Variants in XKR9 observed in about 807,000 individuals in gnomAD.
XKR9 encodes the protein XK-related protein 9.
Under a neutral mutation model 32.0 loss-of-function variants are expected in XKR9, and 32 were observed. That is an observed-to-expected ratio of 1.00 (90% CI 0.76 to 1.34). XKR9 has a LOEUF of 1.34. Ranked by LOEUF, XKR9 falls within the 40% of genes most tolerant of loss-of-function variation. XKR9 has a pLI of 0.00. For synonymous variants in XKR9, 168 were observed against 143.4 expected (o/e 1.17, Z -1.22); for missense variants, 546 against 429.7 (o/e 1.27, Z -2.39).
chr8:70,740,709 GTT>G, downstream of XKR9, among the ~76,000 whole-genome samples: 1 of 152,228 alleles, frequency 6.6e-6, no homozygotes, highest in Admixed American at 6.5e-5. Context: ...CTGCAGGTCT[GTT>G]GGAGTTTGCT....
intron 3 of XKR9, among the ~76,000 whole-genome samples, chr8:70,686,309 A>G (rs1041549031): frequency 6.8e-6 from 1 of 146,478 alleles, no homozygotes; most frequent in Non-Finnish European, 1.5e-5. Context: ...TGGTGCGGTC[A>G]CAGGTAACTG....
At chr8:70,959,753 C>G in the XKR9 span, among the ~76,000 whole-genome samples, 2 of 152,174 alleles carry the variant, frequency 1.3e-5, no homozygotes, top group African/African-American at 4.8e-5. Flanking sequence ...ATGAGTGAGG[C>G]TGAACATCGT....
intron 3 of XKR9, among the ~76,000 whole-genome samples, chr8:70,692,772 G>A (rs1254082204): frequency 6.6e-6 from 1 of 152,102 alleles, no homozygotes; most frequent in African/African-American, 2.4e-5. Context: ...TAGAGACGGG[G>A]TTTCACCATG....
chr8:71,004,887 A>C, the XKR9 span, among the ~76,000 whole-genome samples: 1 of 151,742 alleles, frequency 6.6e-6, no homozygotes, highest in African/African-American at 2.4e-5. Flanking sequence ...GCTGGACTGC[A>C]GTGGTGATGT....
the XKR9 span, among the ~76,000 whole-genome samples, chr8:70,795,874 G>A: frequency 6.6e-6 from 1 of 151,620 alleles, no homozygotes; most frequent in African/African-American, 2.4e-5. Context: ...CCTTATAGAT[G>A]CTGGATGCAT....
the XKR9 span, among the ~76,000 whole-genome samples, chr8:70,850,381 G>A: frequency 1.9e-3 from 288 of 149,290 alleles, no homozygotes; most frequent in Middle Eastern, 0.01. Context: ...GGAGAATGGC[G>A]TGAACCCAGG....
intron 2 of XKR9, among the ~76,000 whole-genome samples, chr8:70,768,711 G>T (rs192973450): frequency 2.0e-5 from 3 of 148,316 alleles, no homozygotes; most frequent in Admixed American, 2.0e-4. Flanking sequence ...ATCTTTGTTG[G>T]TTTAAAGTCT....
chr8:71,032,119 T>A, the XKR9 span, among the ~76,000 whole-genome samples: 1 of 151,646 alleles, frequency 6.6e-6, no homozygotes, highest in Admixed American at 6.6e-5. Flanking sequence ...TGTGGTGAAA[T>A]CCTATCTCTA....
the XKR9 span, among the ~76,000 whole-genome samples, chr8:70,829,739 C>T: frequency 8.5e-5 from 13 of 152,256 alleles, no homozygotes; most frequent in African/African-American, 2.2e-4. Context: ...TGAGCCACGG[C>T]GCCCAGCCTG....
chr8:71,061,004 A>C, the XKR9 span, among the ~76,000 whole-genome samples: 1 of 152,226 alleles, frequency 6.6e-6, no homozygotes, highest in African/African-American at 2.4e-5. Flanking sequence ...CACTGTAATA[A>C]GCCTTTCATA....
chr8:70,811,086 C>G, the XKR9 span, among the ~76,000 whole-genome samples: 1 of 152,222 alleles, frequency 6.6e-6, no homozygotes, highest in South Asian at 2.1e-4. Flanking sequence ...TTATAACAAA[C>G]TGTCTCACAG....
chr8:70,826,453 G>T, the XKR9 span, among the ~76,000 whole-genome samples: 1 of 108,814 alleles, frequency 9.2e-6, no homozygotes, highest in Non-Finnish European at 2.2e-5. Context: ...TTTGATGGAA[G>T]ACATCAGTTT....
chr8:70,703,011 T>C (rs1307921266), intron 3 of XKR9, among the ~76,000 whole-genome samples: 1 of 152,186 alleles, frequency 6.6e-6, no homozygotes, highest in African/African-American at 2.4e-5. Flanking sequence ...TTTTCAGGCT[T>C]TCTTTTTACA....
chr8:70,896,986 ATTT>A, the XKR9 span, among the ~76,000 whole-genome samples: 3 of 151,994 alleles, frequency 2.0e-5, no homozygotes, highest in Admixed American at 2.0e-4. Context: ...ATTCTAACCA[ATTT>A]TTTGTACCAA....
intron 2 of XKR9, among the ~76,000 whole-genome samples, chr8:70,746,314 C>G (rs984020306): frequency 6.8e-6 from 1 of 147,360 alleles, no homozygotes; most frequent in African/African-American, 2.5e-5. Context: ...TCAGAATCAC[C>G]TGAAGTGCTT....
the XKR9 span, among the ~76,000 whole-genome samples, chr8:71,030,408 A>C: frequency 6.6e-6 from 1 of 152,202 alleles, no homozygotes; most frequent in African/African-American, 2.4e-5. Flanking sequence ...TTATAGATGA[A>C]ACAAGCATTC....
chr8:70,953,261 A>G, the XKR9 span, among the ~76,000 whole-genome samples: 47 of 152,318 alleles, frequency 3.1e-4, no homozygotes, highest in African/African-American at 1.1e-3. Flanking sequence ...TACTTTATTC[A>G]TATCAACTAA....
the XKR9 span, among the ~76,000 whole-genome samples, chr8:71,011,375 G>A: frequency 6.6e-6 from 1 of 151,906 alleles, no homozygotes; most frequent in Non-Finnish European, 1.5e-5. Context: ...ATTCCCATAG[G>A]TCCAAATACT....
intron 2 of XKR9, among the ~76,000 whole-genome samples, chr8:70,748,497 C>T (rs1807089561): frequency 1.3e-5 from 2 of 152,232 alleles, no homozygotes; most frequent in Non-Finnish European, 2.9e-5. Flanking sequence ...AACATGCCAG[C>T]CCCCTGCAAC....
Sources: gnomAD v4.1 joint callset for allele counts (sites outside exome capture counted in the v4.1 genomes callset) on GRCh38, gnomAD v4.1.1 for gene constraint, MANE v1.5 for transcripts, NCBI Gene and HGNC (gene_info 2026-07-23, HGNC 2026-07-21) for gene names.